The following FXN variants were observed in gnomAD, a reference collection of about 807,000 sequenced individuals.
The protein encoded by FXN is frataxin.
Under a neutral mutation model 22.4 loss-of-function variants are expected in FXN, and 14 were observed. The ratio of observed to expected loss-of-function variants is 0.62; its 90% CI spans 0.41 to 0.98. The LOEUF (loss-of-function observed/expected upper bound fraction) is 0.98, where lower values mean the gene tolerates loss of function less well. FXN is among the 50% of genes least tolerant of loss of function. The pLI is 0.00. For missense variants in FXN, 267 were observed against 268.4 expected, an observed-to-expected ratio of 0.99 and a Z score of 0.04; for synonymous variants, 120 against 114.1, an observed-to-expected ratio of 1.05 and a Z score of -0.33.
intron 3 of FXN, among the ~76,000 whole-genome samples, chr9:69,057,490 C>A (rs1368220939): frequency 2.6e-5 from 4 of 152,202 alleles, no homozygotes; most frequent in Non-Finnish European, 4.4e-5. Flanking sequence ...CACTCAAGGG[C>A]AAAATTATTT....
At position 69,053,226 on chromosome 9, in the gene FXN, C is replaced by T. The variant is rs778049381; in HGVS notation, c.350C>T (p.Pro117Leu). Reference sequence around the variant, plus strand: ...TTTTTTGAAGACCTTGCAGACAAGCCATACACGTTTGAGGACTATGATGTC... The same window carrying T: ...TTTTTTGAAGACCTTGCAGACAAGCTATACACGTTTGAGGACTATGATGTC... ...AEFFEDLADK[P>L]YTFEDYDVSF... The change falls in exon 3 of 5, where the codon CCA (proline) becomes CTA (leucine). Residue 117 changes from proline (P) to leucine (L), a missense_variant. By Grantham distance (98) the Pro-to-Leu change is moderately conservative. Transcript: ENST00000484259. 2 of 1,613,724 alleles carry T rather than the reference C, an allele frequency of 1.2e-6. No homozygotes were observed. The highest frequency in any genetic ancestry group is 1.7e-6 in the Non-Finnish European group (2 of 1,179,900).
At position 69,078,984 on chromosome 9, in the gene FXN, C is replaced by T. The variant is rs1832419186; in HGVS notation, c.*6222C>T. On this transcript the variant is annotated 3_prime_UTR_variant, in exon 5 of 5. Transcript: ENST00000484259. Reference sequence around the variant, plus strand: ...GTTGCCCTAGCATCTTGCACAGTTCCTTGCACACAATTAGAGCTCTATAAA... The same window carrying T: ...GTTGCCCTAGCATCTTGCACAGTTCTTTGCACACAATTAGAGCTCTATAAA... 1 of 879,256 alleles carries T rather than the reference C, an allele frequency of 1.1e-6. No individual in the cohort carries two copies. Among genetic ancestry groups the T allele is most frequent in the Admixed American group, 6.2e-5 (1 of 16,106 alleles). The allele number at this position is 879,256 out of a possible 1,614,324, so 54.5% of individuals were successfully genotyped here. A position where few individuals can be genotyped will look rare whatever the true frequency, so the allele number is the denominator to read the frequency against.
intron 4 of FXN, among the ~76,000 whole-genome samples, chr9:69,068,523 T>A (rs1212150907): frequency 6.6e-6 from 1 of 152,220 alleles, no homozygotes; most frequent in East Asian, 1.9e-4. Context: ...ACAGAGGGCC[T>A]GCTGGCCGCC....
intron 3 of FXN, among the ~76,000 whole-genome samples, chr9:69,062,477 A>G (rs1587826945): frequency 6.6e-6 from 1 of 152,056 alleles, no homozygotes; most frequent in East Asian, 1.9e-4. Context: ...GGGTTTCAGG[A>G]AAAAAAATGT....
At chr9:69,070,037 T>G (rs2133134463) in intron 4 of FXN, among the ~76,000 whole-genome samples, 1 of 152,242 alleles carries the variant, frequency 6.6e-6, no homozygotes, top group East Asian at 1.9e-4. Flanking sequence ...CAGACCAGCC[T>G]GGGCAACATG....
intron 2 of FXN, among the ~76,000 whole-genome samples, chr9:69,051,152 C>T (rs1831842257): frequency 6.6e-6 from 1 of 152,214 alleles, no homozygotes; most frequent in African/African-American, 2.4e-5. Context: ...GGATGGAATG[C>T]AATGGCACGA....
chr9:69,036,548 C>G (rs1156825381), intron 1 of FXN, among the ~76,000 whole-genome samples: 2 of 152,202 alleles, frequency 1.3e-5, no homozygotes, highest in East Asian at 3.9e-4. Context: ...GACCTTTATT[C>G]CAGATTCTGC....
rs116929697 is a variant in FXN at position 69,062,182 on chromosome 9, G to A, written c.385-2756G>A. ...GCTGAAGTGTGGTGGCGTGATCACCGGTTATTGCAGCCTCAATCTCTGAGG... is the reference window on the plus strand; with the variant it reads ...GCTGAAGTGTGGTGGCGTGATCACCAGTTATTGCAGCCTCAATCTCTGAGG... On this transcript the variant is annotated intron_variant, in intron 3 of 4. Transcript: ENST00000484259. Among the ~76,000 whole-genome samples, 30 of 152,244 alleles carry A rather than the reference G, an allele frequency of 2.0e-4. 1 individual carries two copies. The East Asian group carries it at 4.8e-3, about 24-fold the overall frequency.
chr9:69,074,164 ACTGAGCAAAACT>A lies in FXN; in HGVS notation c.*1406_*1417del, dbSNP rs1247965344. ...GTGCCATTGCACTGTAACCTGGGTG[ACTGAGCAAAACT>A]CTGTCTCAAAATAATAATAACAATA... On this transcript the variant is annotated 3_prime_UTR_variant, in exon 5 of 5. Coordinates refer to ENST00000484259, the MANE Select transcript of FXN (RefSeq NM_000144.5). 1.3e-6 allele frequency: 1 copy of A among 779,870 alleles called. No homozygotes were observed. The allele number at this position is 779,870 out of a possible 1,614,324, so 48.3% of individuals were successfully genotyped here. A position where few individuals can be genotyped will look rare whatever the true frequency, so the allele number is the denominator to read the frequency against.
chr9:69,035,988 C>T (rs780165577), intron 1 of FXN, 41 bp downstream of exon 1: 4 of 1,376,514 alleles, frequency 2.9e-6, no homozygotes, highest in South Asian at 3.1e-5. Flanking sequence ...CCGCACGCCG[C>T]GGGCCGCACG....
In FXN at chr9:69,073,266, A is replaced by C. The variant is rs1167137855; in HGVS notation, c.*504A>C. The stretch of plus-strand genomic sequence containing the variant: ...AAGTGTAAGCACTTCTGAGCTCTTT[A>C]GCATTGAAGTGTCGAAAGCAACTCA... On this transcript the variant is annotated 3_prime_UTR_variant, in exon 5 of 5. Transcript: ENST00000484259. 1.2e-5 allele frequency: 12 copies of C among 1,013,936 alleles called. No individual in the cohort carries two copies. Among genetic ancestry groups the C allele is most frequent in the African/African-American group, 1.7e-5 (1 of 57,566 alleles). The allele number at this position is 1,013,936 out of a possible 1,614,324, so 62.8% of individuals were successfully genotyped here.
intron 1 of FXN, among the ~76,000 whole-genome samples, chr9:69,044,700 C>T (rs1831715723): frequency 6.6e-6 from 1 of 152,196 alleles, no homozygotes; most frequent in Non-Finnish European, 1.5e-5. Flanking sequence ...TCCCCTGCAT[C>T]TCCCTACTCC....
At chr9:69,056,556 G>A (rs1587823569) in intron 3 of FXN, among the ~76,000 whole-genome samples, 1 of 152,144 alleles carries the variant, frequency 6.6e-6, no homozygotes, top group African/African-American at 2.4e-5. Context: ...AAGACTGGGA[G>A]TTCGAGGCAG....
intron 1 of FXN, among the ~76,000 whole-genome samples, chr9:69,040,402 C>T (rs1831635269): frequency 1.3e-5 from 2 of 152,230 alleles, no homozygotes; most frequent in Admixed American, 1.3e-4. Context: ...GGCGCGGTGG[C>T]TCACGCCTGT....
intron 3 of FXN, among the ~76,000 whole-genome samples, chr9:69,057,207 A>G (rs1435064878): frequency 6.6e-6 from 1 of 152,168 alleles, no homozygotes; most frequent in African/African-American, 2.4e-5. Context: ...TTTTTTTTAG[A>G]TATCTCTGGG....
chr9:69,054,266 T>C (rs370004570), intron 3 of FXN, among the ~76,000 whole-genome samples: 1 of 152,108 alleles, frequency 6.6e-6, no homozygotes, highest in East Asian at 1.9e-4. Context: ...TTCCAAAGTT[T>C]TGGGATAACA....
rs1184078375 is a variant in FXN, at chr9:69,074,252, T to C, written c.*1490T>C. The C allele has an allele frequency of 4.1e-6, 4 of 980,498 alleles. No individual in the cohort carries two copies. The highest frequency in any genetic ancestry group is 1.8e-5 in the African/African-American group (1 of 57,136). The allele number at this position is 980,498 out of a possible 1,614,324, so 60.7% of individuals were successfully genotyped here. ...TTGTACCCTTACTGGGTTAATCGTATTATACCACATTACCTCATTTTAATT... is the reference window on the plus strand; with the variant it reads ...TTGTACCCTTACTGGGTTAATCGTACTATACCACATTACCTCATTTTAATT... On this transcript the variant is annotated 3_prime_UTR_variant, in exon 5 of 5. Transcript: ENST00000484259.
chr9:69,066,869 A>ATATATAT lies in FXN; in HGVS notation c.482+1834_482+1835insTATATAT, dbSNP rs71354305. ...GATACTATCTTCCTCAAAAAAAAAA[A>ATATATAT]ATATATATATATATATGGGGGACGG... On this transcript the variant is annotated intron_variant, in intron 4 of 4. Coordinates refer to ENST00000484259, the MANE Select transcript of FXN (RefSeq NM_000144.5). Among the ~76,000 whole-genome samples the ATATATAT allele has an allele frequency of 4.1e-5, 6 of 144,880 alleles. No individual in the cohort carries two copies. In the South Asian group the frequency reaches 6.7e-4, roughly 16 times the overall value.
In FXN at chr9:69,035,856, C is replaced by T; in HGVS notation, c.74C>T (p.Thr25Ile). Residue 25 changes from threonine (T) to isoleucine (I), a missense_variant, in exon 1 of 5, where the codon ACC (threonine) becomes ATC (isoleucine). By Grantham distance (89) the Thr-to-Ile change is moderately conservative. Transcript: ENST00000484259. ...AGCCCAGCCCAGGCCCAGACCCTCA[C>T]CCGGGTCCCGCGGCCGGCAGAGTTG... Reference protein sequence around the residue: ...SPSPAQAQTLTRVPRPAELAP... With the variant: ...SPSPAQAQTLIRVPRPAELAP... The T allele has an allele frequency of 6.7e-7, 1 of 1,498,454 alleles. No homozygotes were observed. Among genetic ancestry groups the T allele is most frequent in the Non-Finnish European group, 8.8e-7 (1 of 1,130,706 alleles). The allele number at this position is 1,498,454 out of a possible 1,614,324, so 92.8% of individuals were successfully genotyped here. A position where few individuals can be genotyped will look rare whatever the true frequency, so the allele number is the denominator to read the frequency against.
Sources: gnomAD v4.1 joint callset for allele counts (sites outside exome capture counted in the v4.1 genomes callset) on GRCh38, gnomAD v4.1.1 for gene constraint, MANE v1.5 for transcripts, NCBI Gene and HGNC (gene_info 2026-07-23, HGNC 2026-07-21) for gene names.